The following TTC28 variants were observed in gnomAD, a reference collection of about 807,000 sequenced individuals.
TTC28 encodes tetratricopeptide repeat domain 28.
Under a neutral mutation model 198.0 loss-of-function variants are expected in TTC28, and 61 were observed. That is an observed-to-expected ratio of 0.31 (90% CI 0.25 to 0.38). The LOEUF is 0.38. TTC28 is among the 10% of genes least tolerant of loss of function. The pLI is 1.00. For missense variants in TTC28, 2,678 were observed against 3,164.0 expected (o/e 0.85, Z 3.69); for synonymous variants, 1,171 against 1,297.8 (o/e 0.90, Z 2.10).
chr22:28,136,843 T>C (rs1943210909), intron 6 of TTC28, among the ~76,000 whole-genome samples: 1 of 152,180 alleles, frequency 6.6e-6, no homozygotes, highest in South Asian at 2.1e-4. Flanking sequence ...CACACATGCT[T>C]TCCATGGCCT....
At chr22:28,388,868 C>G (rs953333554) in intron 2 of TTC28, among the ~76,000 whole-genome samples, 4 of 152,190 alleles carry the variant, frequency 2.6e-5, no homozygotes, top group African/African-American at 9.7e-5. Context: ...GCCAGAACTT[C>G]CAACACTATG....
chr22:28,276,759 G>A (rs557955541), intron 5 of TTC28, among the ~76,000 whole-genome samples: 28 of 152,162 alleles, frequency 1.8e-4, no homozygotes, highest in Non-Finnish European at 4.1e-4. Flanking sequence ...TAGATTAAGT[G>A]TCAGACTGAG....
At chr22:28,227,109 T>C (rs1258128378) in intron 5 of TTC28, among the ~76,000 whole-genome samples, 2 of 152,014 alleles carry the variant, frequency 1.3e-5, no homozygotes, top group Non-Finnish European at 2.9e-5. Context: ...TTTATTTTTA[T>C]TTTTTTAGAG....
chr22:28,181,840 T>C (rs1313869712), intron 5 of TTC28, among the ~76,000 whole-genome samples: 2 of 152,160 alleles, frequency 1.3e-5, no homozygotes, highest in African/African-American at 4.8e-5. Context: ...GCTAGAAGGA[T>C]TGCTTGAGCC....
chr22:28,112,556 A>G (rs1038426321), intron 6 of TTC28, among the ~76,000 whole-genome samples: 1 of 152,134 alleles, frequency 6.6e-6, no homozygotes, highest in Non-Finnish European at 1.5e-5. Flanking sequence ...GGAATTTTTC[A>G]TCCTCCCTGT....
chr22:28,155,826 C>T (rs1298493707), intron 6 of TTC28, among the ~76,000 whole-genome samples: 3 of 152,048 alleles, frequency 2.0e-5, no homozygotes, highest in Non-Finnish European at 4.4e-5. Flanking sequence ...TATAATGTGG[C>T]ATACAATATG....
At chr22:28,677,932 C>T (rs1476814476) in intron 1 of TTC28, among the ~76,000 whole-genome samples, 1 of 148,560 alleles carries the variant, frequency 6.7e-6, no homozygotes, top group Non-Finnish European at 1.5e-5. Flanking sequence ...AGTGAGGCTC[C>T]GTCTCAAAAA....
At chr22:28,114,345 A>T (rs1165890225) in intron 6 of TTC28, among the ~76,000 whole-genome samples, 1 of 152,192 alleles carries the variant, frequency 6.6e-6, no homozygotes, top group Non-Finnish European at 1.5e-5. Flanking sequence ...GTTTTCACAT[A>T]TAAGTTCTTC....
intron 2 of TTC28, among the ~76,000 whole-genome samples, chr22:28,591,032 CACACACACATATATAT>C (rs1427728606): frequency 0.034 from 2,090 of 62,032 alleles, 26 homozygotes; most frequent in East Asian, 0.064. Flanking sequence ...CACACACACA[CACACACACATATATAT>C]ATATATATAT....
At chr22:28,482,058 T>G (rs572940494) in intron 2 of TTC28, among the ~76,000 whole-genome samples, 1 of 152,278 alleles carries the variant, frequency 6.6e-6, no homozygotes, top group East Asian at 1.9e-4. Context: ...TACATCAGGT[T>G]TTAGCAACTA....
rs1328400316 is a variant in TTC28, at chr22:27,989,906, C to T, written c.5679G>A (p.Pro1893=). The change falls in exon 21 of 23, where the codon CCG becomes CCA. Residue 1893 remains proline, a synonymous_variant. Transcript: ENST00000397906. ...VSISVQLWRL[P]GCHEFLAALG... ...GAGCTGCCAGGAACTCGTGGCATCC[C>T]GGGAGCCGCCACAGCTGGACGCTGA... The T allele has an allele frequency of 1.1e-5, 17 of 1,551,032 alleles. No homozygotes were observed. The highest frequency in any genetic ancestry group is 1.4e-5 in the Non-Finnish European group (16 of 1,146,786).
chr22:28,426,188 G>A (rs1261608417), intron 2 of TTC28, among the ~76,000 whole-genome samples: 1 of 149,260 alleles, frequency 6.7e-6, no homozygotes, highest in Non-Finnish European at 1.5e-5. Flanking sequence ...CGCCAGCCTG[G>A]GTGACAGAGT....
chr22:28,525,591 A>AT (rs1555887336), intron 2 of TTC28, among the ~76,000 whole-genome samples: 1 of 152,132 alleles, frequency 6.6e-6, no homozygotes, highest in African/African-American at 2.4e-5. Context: ...AGAGAACTTC[A>AT]TTTTTTCTTT....
At chr22:28,599,112 A>T (rs992797982) in intron 2 of TTC28, among the ~76,000 whole-genome samples, 6 of 152,242 alleles carry the variant, frequency 3.9e-5, no homozygotes, top group African/African-American at 1.4e-4. Context: ...TTAGAAGTAG[A>T]TTGTATTAAA....
At chr22:28,395,122 C>G (rs1039092020) in intron 2 of TTC28, among the ~76,000 whole-genome samples, 1 of 152,178 alleles carries the variant, frequency 6.6e-6, no homozygotes, top group Non-Finnish European at 1.5e-5. Flanking sequence ...TACTGTATGT[C>G]TAACCAGGCC....
intron 2 of TTC28, among the ~76,000 whole-genome samples, chr22:28,625,304 T>C (rs781180915): frequency 6.6e-6 from 1 of 152,180 alleles, no homozygotes; most frequent in Non-Finnish European, 1.5e-5. Context: ...ACCATGTGCA[T>C]AGAAAATCCC....
chr22:28,436,985 G>A (rs1022050216), intron 2 of TTC28, among the ~76,000 whole-genome samples: 1 of 152,248 alleles, frequency 6.6e-6, no homozygotes, highest in Non-Finnish European at 1.5e-5. Flanking sequence ...CTTCAACAGT[G>A]AGTGGGCACC....
chr22:28,335,247 G>C (rs1033054687), intron 2 of TTC28, among the ~76,000 whole-genome samples: 1 of 152,090 alleles, frequency 6.6e-6, no homozygotes, highest in Admixed American at 6.5e-5. Context: ...ATGCTGTTTT[G>C]GTTACTGTAG....
At chr22:28,010,639 G>C (rs542754272) in intron 14 of TTC28, among the ~76,000 whole-genome samples, 1 of 152,282 alleles carries the variant, frequency 6.6e-6, no homozygotes, top group South Asian at 2.1e-4. Context: ...GGTGGGGCCT[G>C]CAGGCATGTC....
Sources: allele counts gnomAD v4.1 joint callset (sites outside exome capture counted in the v4.1 genomes callset), GRCh38; gene constraint gnomAD v4.1.1; transcripts MANE v1.5; gene names NCBI Gene and HGNC (gene_info 2026-07-23, HGNC 2026-07-21).